GLDN: variants seen among roughly 807,000 people sequenced by gnomAD.
GLDN encodes collomin.
In GLDN, 47 loss-of-function variants were observed where a neutral mutation model predicts 56.5. The ratio of observed to expected loss-of-function variants is 0.83; its 90% CI spans 0.66 to 1.06. The LOEUF is 1.06. Ranked by LOEUF, GLDN falls within the 50% of genes least tolerant of loss-of-function variation. GLDN has a pLI of 0.00. For missense variants in GLDN, 782 were observed against 714.3 expected, an observed-to-expected ratio of 1.09 and a Z score of -1.08; for synonymous variants, 332 against 278.8, an observed-to-expected ratio of 1.19 and a Z score of -1.90.
intron 9 of GLDN, 143 bp downstream of exon 9, chr15:51,401,886 C>T (rs2141134409): frequency 1.1e-5 from 8 of 715,060 alleles, no homozygotes; most frequent in Middle Eastern, 4.0e-4. Context: ...CAGGGTTTGT[C>T]GACTGAATGA....
At chr15:51,400,596 C>A in intron 8 of GLDN, 98 bp downstream of exon 8, 1 of 1,258,384 alleles carries the variant, frequency 7.9e-7, no homozygotes, top group Non-Finnish European at 1.1e-6. Flanking sequence ...TGTCTGAAAT[C>A]CCCGGTAGCT....
intron 4 of GLDN, among the ~76,000 whole-genome samples, chr15:51,392,312 T>C (rs1182589322): frequency 6.6e-6 from 1 of 152,174 alleles, no homozygotes; most frequent in Non-Finnish European, 1.5e-5. Context: ...CACTCTCCAG[T>C]GCTCACATTA....
chr15:51,349,863 C>T (rs1340962567), intron 1 of GLDN, among the ~76,000 whole-genome samples: 1 of 152,116 alleles, frequency 6.6e-6, no homozygotes, highest in Non-Finnish European at 1.5e-5. Context: ...CCTCAGCCTC[C>T]CGAGTAGCTG....
chr15:51,361,795 T>C (rs962068937), intron 1 of GLDN, among the ~76,000 whole-genome samples: 23 of 152,144 alleles, frequency 1.5e-4, no homozygotes, highest in African/African-American at 5.3e-4. Context: ...TTGGGCGTGA[T>C]TGCGCATGCT....
chr15:51,383,837 T>TGG lies in GLDN; in HGVS notation c.487_488dup (p.Pro164ValfsTer141). 1.2e-6 allele frequency: 2 copies of TGG among 1,613,594 alleles called. No individual in the cohort carries two copies. Among genetic ancestry groups the TGG allele is most frequent in the Non-Finnish European group, 1.7e-6 (2 of 1,179,932 alleles). On this transcript the variant is annotated frameshift_variant, in exon 4 of 10. Transcript: ENST00000335449. LOFTEE classifies it high-confidence loss of function. ...GACACAACGGATTGGATGGACAGCC[T>TGG]GGTCCTCAGGGCCCAAAAGGAGAAA...
At chr15:51,394,612 CAATAAATA>C (rs142890346) in intron 4 of GLDN, among the ~76,000 whole-genome samples, 8 of 151,404 alleles carry the variant, frequency 5.3e-5, no homozygotes, top group South Asian at 4.2e-4. Context: ...GAGTCCATCT[CAATAAATA>C]AATAAATAAA....
In GLDN at chr15:51,377,511, C is replaced by T. The variant is rs746245881; in HGVS notation, c.415+11C>T. ...GCATCTGCCTCACAGGTAGGCTGGCCGCTGAGCAGAGCCGCTCACACAACA... is the reference window on the plus strand; with the variant it reads ...GCATCTGCCTCACAGGTAGGCTGGCTGCTGAGCAGAGCCGCTCACACAACA... On this transcript the variant is annotated intron_variant, in intron 2 of 9. Transcript: ENST00000335449. 1.2e-5 allele frequency: 20 copies of T among 1,612,452 alleles called. No individual in the cohort carries two copies. Among genetic ancestry groups the T allele is most frequent in the East Asian group, 4.5e-5 (2 of 44,884 alleles).
intron 1 of GLDN, among the ~76,000 whole-genome samples, chr15:51,355,960 C>T (rs1249220389): frequency 2.0e-5 from 3 of 150,834 alleles, no homozygotes; most frequent in East Asian, 2.0e-4. Flanking sequence ...GTAATCCCAA[C>T]ACTTTGGGAG....
chr15:51,398,592 C>G (rs150588874), intron 6 of GLDN, among the ~76,000 whole-genome samples: 4 of 152,310 alleles, frequency 2.6e-5, no homozygotes, highest in Non-Finnish European at 4.4e-5. Flanking sequence ...GTGCACTGTT[C>G]TTTCTGGAAG....
chr15:51,380,165 C>A (rs79370236), intron 2 of GLDN, among the ~76,000 whole-genome samples: 11 of 152,054 alleles, frequency 7.2e-5, no homozygotes, highest in Non-Finnish European at 1.2e-4. Flanking sequence ...CCCCACCAAG[C>A]CCCCTGTGCA....
intron 1 of GLDN, among the ~76,000 whole-genome samples, chr15:51,346,210 C>A (rs1325316568): frequency 6.6e-6 from 1 of 151,818 alleles, no homozygotes; most frequent in Non-Finnish European, 1.5e-5. Flanking sequence ...CAAAAGTTCA[C>A]ATGGAAAAAT....
intron 1 of GLDN, among the ~76,000 whole-genome samples, chr15:51,356,473 G>A (rs563110323): frequency 6.6e-6 from 1 of 152,282 alleles, no homozygotes; most frequent in African/African-American, 2.4e-5. Context: ...AAGGAAAACT[G>A]AGATAAGAAA....
chr15:51,365,781 G>A (rs962135080), intron 1 of GLDN, among the ~76,000 whole-genome samples: 1 of 151,026 alleles, frequency 6.6e-6, no homozygotes, highest in African/African-American at 2.5e-5. Context: ...TTTCATTCTT[G>A]GGTTCTTCTT....
rs1333750423 is a variant in GLDN at position 51,377,499 on chromosome 15, A to G, written c.414A>G (p.Thr138=). 9 of 1,613,708 alleles carry G rather than the reference A, an allele frequency of 5.6e-6. No individual in the cohort carries two copies. The highest frequency in any genetic ancestry group is 6.8e-6 in the Non-Finnish European group (8 of 1,179,760). The change falls in exon 2 of 10, where the codon ACA becomes ACG. Residue 138 remains threonine (T), a splice_region_variant and synonymous_variant. Transcript: ENST00000335449. The stretch of plus-strand genomic sequence containing the variant: ...ACAGCACCAAGGGCATCTGCCTCAC[A>G]GGTAGGCTGGCCGCTGAGCAGAGCC... ...LCNSTKGICL[T]GPSGPPGPPG... is the part of the protein sequence containing the mutation.
intron 1 of GLDN, among the ~76,000 whole-genome samples, chr15:51,347,350 A>T (rs534954140): frequency 2.6e-5 from 4 of 152,314 alleles, no homozygotes; most frequent in African/African-American, 4.8e-5. Context: ...GTGGCCCAGG[A>T]TGGCTTTGAA....
At chr15:51,401,262 G>T (rs147059946) in intron 8 of GLDN, among the ~76,000 whole-genome samples, 2 of 152,218 alleles carry the variant, frequency 1.3e-5, no homozygotes. Flanking sequence ...TTGCCCAAGC[G>T]CCAAGTATCT....
intron 4 of GLDN, among the ~76,000 whole-genome samples, chr15:51,392,483 C>G (rs1273183540): frequency 1.3e-5 from 2 of 152,186 alleles, no homozygotes; most frequent in Non-Finnish European, 2.9e-5. Context: ...AGTGATTCTA[C>G]ATTATGGTGA....
Position 51,407,825 on chromosome 15 carries a change from G to A in GLDN, c.*3071G>A, listed in dbSNP as rs1317733571. On this transcript the variant is annotated 3_prime_UTR_variant, in exon 10 of 10. Transcript: ENST00000335449. Reference sequence around the variant, plus strand: ...CTATGATCATCTGATGGCAAGTGAAGGAGAAATGAGTGATAGGGCTTTGCG... The same window carrying A: ...CTATGATCATCTGATGGCAAGTGAAAGAGAAATGAGTGATAGGGCTTTGCG... 1 of 152,250 alleles carries A rather than the reference G, an allele frequency of 6.6e-6. No homozygotes were observed. The highest frequency in any genetic ancestry group is 1.5e-5 in the Non-Finnish European group (1 of 68,040). 9.4% of individuals were successfully genotyped at this position (152,250 alleles called of 1,614,324 possible). A position where few individuals can be genotyped will look rare whatever the true frequency, so the allele number is the denominator to read the frequency against.
At chr15:51,381,433 A>G (rs10163098) in intron 2 of GLDN, among the ~76,000 whole-genome samples, 15,598 of 152,182 alleles carry the variant, frequency 0.1, 1,619 homozygotes, top group African/African-American at 0.26. Flanking sequence ...TGGTAAAGTC[A>G]TGGAGACACA....
Sources: gnomAD v4.1 joint callset for allele counts (sites outside exome capture counted in the v4.1 genomes callset) on GRCh38, gnomAD v4.1.1 for gene constraint, MANE v1.5 for transcripts, NCBI Gene and HGNC (gene_info 2026-07-23, HGNC 2026-07-21) for gene names.